UBA6: variants seen among roughly 807,000 people sequenced by gnomAD.
The protein encoded by UBA6 is ubiquitin like modifier activating enzyme 6.
In UBA6, 87 loss-of-function variants were observed where a neutral mutation model predicts 148.3. That is an observed-to-expected ratio of 0.59 (90% CI 0.49 to 0.70). UBA6 has a LOEUF of 0.70. Among genes scored for constraint, UBA6 ranks in the 30% least tolerant of loss-of-function variants. The pLI is 0.00. For missense variants in UBA6, 1,186 were observed against 1,241.2 expected (o/e 0.96, Z 0.67); for synonymous variants, 376 against 401.0 (o/e 0.94, Z 0.75).
intron 13 of UBA6, among the ~76,000 whole-genome samples, chr4:67,651,064 A>G (rs545675712): frequency 5.3e-4 from 80 of 152,288 alleles, no homozygotes; most frequent in Admixed American, 4.8e-3. Context: ...ATCCTGTCCA[A>G]AAAGTAAGCA....
rs1392282717 is a variant in UBA6 at position 67,625,029 on chromosome 4, C to T, written c.2677G>A (p.Ala893Thr). 1.2e-6 allele frequency: 2 copies of T among 1,610,538 alleles called. No individual in the cohort carries two copies. Among genetic ancestry groups the T allele is most frequent in the Non-Finnish European group, 1.7e-6 (2 of 1,177,640 alleles). Residue 893 changes from alanine (A) to threonine (T), a missense_variant, in exon 29 of 33, where the codon GCT (alanine) becomes ACT (threonine). By Grantham distance (58) the Ala-to-Thr change is moderately conservative (BLOSUM62 0). Transcript: ENST00000322244. ...TKRIAGKIIP[A>T]IATTTATVSG... ...ACTGTAGCAGTGGTTGTTGCTATAG[C>T]AGGTATAATTTTACCAGCTATGCGC...
At chr4:67,667,458 G>A (rs1238704569) in intron 9 of UBA6, among the ~76,000 whole-genome samples, 2 of 151,892 alleles carry the variant, frequency 1.3e-5, no homozygotes, top group Non-Finnish European at 2.9e-5. Context: ...TAGATTCAAA[G>A]TTATCTATAA....
chr4:67,677,621 T>G lies in UBA6; in HGVS notation c.455A>C (p.Asp152Ala). 6.4e-7 allele frequency: 1 copy of G among 1,550,420 alleles called. No homozygotes were observed. The highest frequency in any genetic ancestry group is 8.9e-7 in the Non-Finnish European group (1 of 1,129,202). ...AAATGGAGTACTAACCTGGTATTTA[T>G]CTAAAAAGGAGAGATCTGTGGTCTC... Reference protein sequence around the residue: ...FNETTDLSFLDKYQCVVLTEM... With the variant: ...FNETTDLSFLAKYQCVVLTEM... Residue 152 changes from aspartate (D) to alanine (A), a missense_variant, in exon 6 of 33, where the codon GAT becomes GCT. By Grantham distance (126) the Asp-to-Ala change is moderately radical (BLOSUM62 -2). Transcript: ENST00000322244.
At position 67,682,201 on chromosome 4, in the gene UBA6, G is replaced by T; in HGVS notation, c.147C>A (p.Tyr49Ter). 1 of 1,613,122 alleles carries T rather than the reference G, an allele frequency of 6.2e-7. No individual in the cohort carries two copies. Among genetic ancestry groups the T allele is most frequent in the Non-Finnish European group, 8.5e-7 (1 of 1,179,434 alleles). ...IDDALYSRQR[Y>*]VLGDTAMQKM... ...TCTGCATTGCTGTGTCTCCAAGAAC[G>T]TACCTCTGTCGACTACACGGAAAAC... Residue 49 changes from tyrosine to a stop codon, truncating the protein, a stop_gained, in exon 3 of 33, where the codon TAC (tyrosine) becomes TAA (stop). Transcript: ENST00000322244. LOFTEE classifies it high-confidence loss of function.
chr4:67,700,921 C>T (rs1730965718), intron 1 of UBA6, 128 bp downstream of exon 1: 3 of 1,181,900 alleles, frequency 2.5e-6, no homozygotes, highest in Non-Finnish European at 3.6e-6. Context: ...CCCCTCGCCT[C>T]CCAGGGCCGG....
chr4:67,651,445 C>A (rs1380196356), intron 13 of UBA6, among the ~76,000 whole-genome samples: 2 of 152,070 alleles, frequency 1.3e-5, no homozygotes, highest in Non-Finnish European at 2.9e-5. Context: ...AAAGATTAAA[C>A]ACATAGGGCC....
In UBA6 at chr4:67,619,115, T is replaced by G; in HGVS notation, c.3041A>C (p.Lys1014Thr). The G allele has an allele frequency of 6.2e-7, 1 of 1,604,856 alleles. No individual in the cohort carries two copies. The highest frequency in any genetic ancestry group is 8.5e-7 in the Non-Finnish European group (1 of 1,173,148). ...CACATATTTCTTTTCAGTAGTAGGT[T>G]TTACAAGTTTATGCATTCTAAGAAA... ...RLKLTMHKLV[K>T]PTTEKKYVDL... The change falls in exon 33 of 33, where the codon AAA becomes ACA. Residue 1014 changes from lysine to threonine, a missense_variant. Physicochemically the swap from Lys to Thr is moderately conservative, Grantham distance 78 (BLOSUM62 -1). Transcript: ENST00000322244.
chr4:67,699,450 C>T (rs917935503), intron 1 of UBA6, among the ~76,000 whole-genome samples: 2 of 152,122 alleles, frequency 1.3e-5, no homozygotes, highest in South Asian at 2.1e-4. Flanking sequence ...GCTAATTAAA[C>T]GGATAGCTAT....
In UBA6 at chr4:67,618,406, G is replaced by A. The variant is rs998550790; in HGVS notation, c.*591C>T. On this transcript the variant is annotated 3_prime_UTR_variant, in exon 33 of 33. Transcript: ENST00000322244. ...TATCAACAAAAATCCTGATTTTGGG[G>A]ACACAGTGATATAACAAACTGGTTA... 3 of 152,632 alleles carry A rather than the reference G, an allele frequency of 2.0e-5. No individual in the cohort carries two copies. Among genetic ancestry groups the A allele is most frequent in the African/African-American group, 4.8e-5 (2 of 41,448 alleles). The allele number at this position is 152,632 out of a possible 1,614,324, so 9.5% of individuals were successfully genotyped here.
chr4:67,679,298 A>C (rs564514233), intron 4 of UBA6, among the ~76,000 whole-genome samples: 2 of 152,262 alleles, frequency 1.3e-5, no homozygotes, highest in South Asian at 2.1e-4. Context: ...CAGTAACCTA[A>C]TAAGTGAAGG....
At position 67,677,675 on chromosome 4, in the gene UBA6, T is replaced by C. The variant is rs146942648; in HGVS notation, c.401A>G (p.His134Arg). The C allele has an allele frequency of 9.0e-5, 145 of 1,608,662 alleles. No homozygotes were observed. Among genetic ancestry groups the C allele is most frequent in the Middle Eastern group, 5.0e-4 (3 of 6,044 alleles). ...GAAAGGAACAGAAGATGATGTGACA[T>C]GAACGTATGGATTTAGTTCTGCAAT... ...KHIAELNPYV[H>R]VTSSSVPFNE... Residue 134 changes from histidine (H) to arginine (R), a missense_variant, in exon 6 of 33, where the codon CAT becomes CGT. Coordinates refer to ENST00000322244, the MANE Select transcript of UBA6 (RefSeq NM_018227.6).
At chr4:67,693,168 C>G (rs1371217658) in intron 2 of UBA6, among the ~76,000 whole-genome samples, 1 of 152,056 alleles carries the variant, frequency 6.6e-6, no homozygotes, top group Non-Finnish European at 1.5e-5. Context: ...AAAACCAACT[C>G]CTCCCCTTCC....
At chr4:67,648,150 A>G (rs1192161328) in intron 14 of UBA6, among the ~76,000 whole-genome samples, 7 of 151,866 alleles carry the variant, frequency 4.6e-5, no homozygotes, top group Non-Finnish European at 8.8e-5. Flanking sequence ...CAGCAAAAAT[A>G]GCATTATGTG....
chr4:67,666,842 T>A (rs1215661165), intron 9 of UBA6, among the ~76,000 whole-genome samples: 1 of 152,050 alleles, frequency 6.6e-6, no homozygotes, highest in African/African-American at 2.4e-5. Context: ...GTCGCTGCAC[T>A]TCAGCCTGGG....
At chr4:67,653,595 G>A (rs1325709173) in intron 13 of UBA6, among the ~76,000 whole-genome samples, 2 of 152,192 alleles carry the variant, frequency 1.3e-5, no homozygotes, top group African/African-American at 2.4e-5. Context: ...GAGCAGAAAA[G>A]CCAAAAATTC....
chr4:67,621,149 A>T (rs1414903918), intron 32 of UBA6, among the ~76,000 whole-genome samples: 1 of 152,228 alleles, frequency 6.6e-6, no homozygotes, highest in Non-Finnish European at 1.5e-5. Flanking sequence ...AAATAAAGGA[A>T]TTCTAAACAC....
intron 13 of UBA6, among the ~76,000 whole-genome samples, chr4:67,654,852 C>T (rs1380384084): frequency 1.0e-5 from 1 of 96,644 alleles, no homozygotes; most frequent in Non-Finnish European, 2.1e-5. Flanking sequence ...ATCTACCAAG[C>T]AAATGGAAAG....
intron 17 of UBA6, 55 bp downstream of exon 17, chr4:67,644,642 GA>G: frequency 2.9e-6 from 3 of 1,049,320 alleles, no homozygotes; most frequent in Non-Finnish European, 4.5e-6. Context: ...AAATATAGCT[GA>G]AAAAGGGCAA....
intron 20 of UBA6, 45 bp from the exon 21 acceptor site, chr4:67,634,563 AC>A (rs776386812): frequency 7.4e-5 from 101 of 1,359,922 alleles, no homozygotes; most frequent in Non-Finnish European, 9.3e-5. Flanking sequence ...GGAAGCAATG[AC>A]CAATTTTTAT....
Sources: allele counts gnomAD v4.1 joint callset (sites outside exome capture counted in the v4.1 genomes callset), GRCh38; gene constraint gnomAD v4.1.1; transcripts MANE v1.5; gene names NCBI Gene and HGNC (gene_info 2026-07-23, HGNC 2026-07-21).